DYSF: variants seen among roughly 807,000 people sequenced by gnomAD.
DYSF encodes the protein dystrophy-associated fer-1-like 1.
Under a neutral mutation model 274.9 loss-of-function variants are expected in DYSF, and 212 were observed. The observed-to-expected ratio is 0.77, with a 90% CI of 0.69 to 0.86. DYSF has a LOEUF of 0.86. Among genes scored for constraint, DYSF ranks in the 40% least tolerant of loss-of-function variants. The pLI, the probability that DYSF is intolerant of heterozygous loss-of-function variation, is 0.00. For synonymous variants in DYSF, 1,091 were observed against 1,078.7 expected, an observed-to-expected ratio of 1.01 and a Z score of -0.22; for missense variants, 2,666 against 2,783.2, an observed-to-expected ratio of 0.96 and a Z score of 0.95.
intron 33 of DYSF, among the ~76,000 whole-genome samples, chr2:71,599,520 G>A (rs2093490983): frequency 6.6e-6 from 1 of 152,244 alleles, no homozygotes; most frequent in Non-Finnish European, 1.5e-5. Context: ...GAAAGACCCA[G>A]GCCCTGGAGG....
At chr2:71,587,794 A>G (rs979711756) in intron 30 of DYSF, among the ~76,000 whole-genome samples, 2 of 152,184 alleles carry the variant, frequency 1.3e-5, no homozygotes, top group African/African-American at 4.8e-5. Flanking sequence ...CCAAAGGAAG[A>G]GGAGAGTCCA....
intron 3 of DYSF, among the ~76,000 whole-genome samples, chr2:71,490,269 T>A (rs775381958): frequency 3.7e-4 from 56 of 152,360 alleles, no homozygotes; most frequent in Non-Finnish European, 5.6e-4. Flanking sequence ...AAAGTACAAG[T>A]TCTCCCATCT....
chr2:71,564,130 C>T lies in DYSF; in HGVS notation c.2482C>T (p.Pro828Ser), dbSNP rs146819460. The change falls in exon 24 of 56, where the codon CCC (proline) becomes TCC (serine). Residue 828 changes from proline (P) to serine (S), a missense_variant. Around this residue, in one of 3 missense-constraint regions of DYSF, gnomAD observed 412 missense variants for 504.0 expected, o/e 0.82. Coordinates refer to ENST00000410020, the MANE Select transcript of DYSF (RefSeq NM_001130987.2). Reference sequence around the variant, plus strand: ...CAAGCGTGTGGCATACCAGCGGGTGCCCGCCCACCAAGTCCTCTTCTCCCG... The same window carrying T: ...CAAGCGTGTGGCATACCAGCGGGTGTCCGCCCACCAAGTCCTCTTCTCCCG... ...GDKRVAYQRV[P>S]AHQVLFSRRG... is the part of the protein sequence containing the mutation. The T allele has an allele frequency of 6.6e-5, 106 of 1,614,128 alleles. No homozygotes were observed. Among genetic ancestry groups the T allele is most frequent in the Non-Finnish European group, 8.6e-5 (102 of 1,180,056 alleles).
At chr2:71,479,392 C>T (rs942507080) in intron 1 of DYSF, among the ~76,000 whole-genome samples, 15 of 152,034 alleles carry the variant, frequency 9.9e-5, no homozygotes, top group African/African-American at 3.4e-4. Flanking sequence ...GAACCCCTCA[C>T]CCTGACCTGT....
At chr2:71,533,496 C>T (rs1460837261) in intron 14 of DYSF, among the ~76,000 whole-genome samples, 3 of 152,232 alleles carry the variant, frequency 2.0e-5, no homozygotes, top group Non-Finnish European at 4.4e-5. Flanking sequence ...GACCATACTT[C>T]ATTTAACCTG....
intron 40 of DYSF, among the ~76,000 whole-genome samples, chr2:71,617,802 G>A (rs1372004968): frequency 8.5e-6 from 1 of 117,542 alleles, no homozygotes; most frequent in African/African-American, 3.1e-5. Context: ...TAGAGGTGGG[G>A]TATATGTGTG....
chr2:71,589,381 A>G (rs1029145721), intron 30 of DYSF, among the ~76,000 whole-genome samples: 1 of 152,226 alleles, frequency 6.6e-6, no homozygotes, highest in Non-Finnish European at 1.5e-5. Flanking sequence ...GAGAGGGAGA[A>G]GAATTTCCTA....
intron 17 of DYSF, among the ~76,000 whole-genome samples, chr2:71,542,422 G>A (rs13027847): frequency 2.0e-3 from 310 of 151,810 alleles, no homozygotes; most frequent in Non-Finnish European, 3.8e-3. Context: ...TTCTCGCAGA[G>A]GGGGATTTGG....
chr2:71,475,908 G>A lies in DYSF; in HGVS notation c.92-4975G>A, dbSNP rs112931255. Among the ~76,000 whole-genome samples, 761 of 152,014 alleles carry A rather than the reference G, an allele frequency of 5.0e-3. 9 individuals are homozygous for A. The highest frequency in any genetic ancestry group is 0.017 in the African/African-American group (692 of 41,452). On this transcript the variant is annotated intron_variant, in intron 1 of 55. Transcript: ENST00000410020. ...CTCAGCATCTCGAGTAGCTGGGACC[G>A]CAGGCACATGCACCACTACACCTGG... is the stretch of plus-strand genomic sequence containing the variant.
At chr2:71,647,776 G>T (rs1319668842) in intron 42 of DYSF, among the ~76,000 whole-genome samples, 1 of 152,142 alleles carries the variant, frequency 6.6e-6, no homozygotes, top group Non-Finnish European at 1.5e-5. Context: ...TTACATGGGG[G>T]TTTATTATCT....
intron 36 of DYSF, among the ~76,000 whole-genome samples, chr2:71,607,689 G>A (rs1297852840): frequency 6.6e-6 from 1 of 152,166 alleles, no homozygotes; most frequent in Admixed American, 6.5e-5. Context: ...AGGATTACCA[G>A]TGTTTGGTGA....
intron 41 of DYSF, among the ~76,000 whole-genome samples, chr2:71,629,870 A>G (rs888312586): frequency 2.6e-5 from 4 of 152,166 alleles, no homozygotes; most frequent in Non-Finnish European, 4.4e-5. Flanking sequence ...TTAAATTTGA[A>G]GTCATGGTTT....
intron 51 of DYSF, among the ~76,000 whole-genome samples, chr2:71,672,227 A>AAACTGGCTCGGCC (rs1477308413): frequency 6.6e-6 from 1 of 152,150 alleles, no homozygotes; most frequent in Admixed American, 6.5e-5. Flanking sequence ...GCAGAGCCAG[A>AAACTGGCTCGGCC]GGGTCCCTCT....
At position 71,681,098 on chromosome 2, in the gene DYSF, T is replaced by C. The variant is rs978055393; in HGVS notation, c.6161T>C (p.Leu2054Pro). ...GRDEPNMNPK[L>P]EDPRRPDTSF... ...GATGAGCCCAACATGAACCCTAAGC[T>C]TGAGGACCCAAGGTCAGTGCCCAGC... Residue 2054 changes from leucine to proline, a missense_variant, in exon 54 of 56, where the codon CTT becomes CCT. Physicochemically the swap from Leu to Pro is moderately conservative, Grantham distance 98. Coordinates refer to ENST00000410020, the MANE Select transcript of DYSF (RefSeq NM_001130987.2). 1 of 1,614,066 alleles carries C rather than the reference T, an allele frequency of 6.2e-7. No homozygotes were observed. The highest frequency in any genetic ancestry group is 8.5e-7 in the Non-Finnish European group (1 of 1,180,038).
intron 7 of DYSF, 142 bp from the exon 8 acceptor site, chr2:71,515,481 G>C: frequency 1.6e-6 from 2 of 1,228,468 alleles, no homozygotes; most frequent in Non-Finnish European, 1.2e-6. Context: ...TTCGTATAAT[G>C]CTCTTCCTAA....
At chr2:71,677,157 T>TG in intron 52 of DYSF, among the ~76,000 whole-genome samples, 1 of 152,074 alleles carries the variant, frequency 6.6e-6, no homozygotes, top group East Asian at 1.9e-4. Flanking sequence ...ATGGTAGCTA[T>TG]AGAGGAATGT....
chr2:71,679,346 C>A, intron 53 of DYSF, 111 bp downstream of exon 53: 1 of 1,067,374 alleles, frequency 9.4e-7, no homozygotes, highest in Non-Finnish European at 1.4e-6. Context: ...CTCCTCCTTT[C>A]TCCCCCTCTC....
intron 36 of DYSF, among the ~76,000 whole-genome samples, chr2:71,605,958 G>C (rs978546564): frequency 6.6e-6 from 1 of 152,134 alleles, no homozygotes; most frequent in Non-Finnish European, 1.5e-5. Context: ...CCCCTGCCTG[G>C]AGCTCCCCGA....
intron 42 of DYSF, among the ~76,000 whole-genome samples, chr2:71,654,719 GAAGA>G (rs1368802768): frequency 6.6e-6 from 1 of 152,116 alleles, no homozygotes; most frequent in Non-Finnish European, 1.5e-5. Flanking sequence ...CATTAGGAAG[GAAGA>G]GTTTTATAGA....
Sources: allele counts gnomAD v4.1 joint callset (sites outside exome capture counted in the v4.1 genomes callset), GRCh38; gene constraint gnomAD v4.1.1; regional missense constraint gnomAD v4.1.1; transcripts MANE v1.5; gene names NCBI Gene and HGNC (gene_info 2026-07-23, HGNC 2026-07-21).